NNT: variants seen among roughly 807,000 people sequenced by gnomAD.
NNT encodes NAD(P) transhydrogenase, mitochondrial.
A neutral mutation model predicts 104.8 loss-of-function variants in NNT; 50 were observed. The observed-to-expected ratio is 0.48, with a 90% confidence interval of 0.38 to 0.60. The LOEUF is 0.60. Ranked by LOEUF, NNT falls within the 20% of genes least tolerant of loss-of-function variation. The pLI, the probability that NNT is intolerant of heterozygous loss-of-function variation, is 0.00. For synonymous variants in NNT, 461 were observed against 490.4 expected (o/e 0.94, Z 0.79); for missense variants, 1,131 against 1,330.7 (o/e 0.85, Z 2.33).
chr5:43,675,668 C>T lies in NNT; in HGVS notation c.2792C>T (p.Pro931Leu). 6.3e-7 allele frequency: 1 copy of T among 1,584,520 alleles called. No homozygotes were observed. Among genetic ancestry groups the T allele is most frequent in the Non-Finnish European group, 8.6e-7 (1 of 1,167,174 alleles). ...IREANSIIIT[P>L]GYGLCAAKAQ... ...GAAGCTAATAGCATTATTATTACAC[C>T]AGGTAAAGAAAAAAAGCAAAAGCAA... Residue 931 changes from proline to leucine, a missense_variant and splice_region_variant, in exon 18 of 22, where the codon CCA becomes CTA. Physicochemically the swap from Pro to Leu is moderately conservative, Grantham distance 98. Coordinates refer to ENST00000344920, the MANE Select transcript of NNT (RefSeq NM_182977.3).
At chr5:43,676,289 G>C (rs527548149) in intron 18 of NNT, among the ~76,000 whole-genome samples, 4 of 152,128 alleles carry the variant, frequency 2.6e-5, no homozygotes, top group Admixed American at 1.3e-4. Context: ...AGGATGCTGT[G>C]GTATTATGAG....
At chr5:43,606,737 G>GT (rs1333331413) in intron 1 of NNT, among the ~76,000 whole-genome samples, 1 of 152,104 alleles carries the variant, frequency 6.6e-6, no homozygotes, top group Non-Finnish European at 1.5e-5. Flanking sequence ...CTCTGAGCTT[G>GT]TGTTACTCTG....
chr5:43,612,590 A>C (rs1017369698), intron 2 of NNT, among the ~76,000 whole-genome samples: 5 of 152,192 alleles, frequency 3.3e-5, no homozygotes, highest in Non-Finnish European at 5.9e-5. Flanking sequence ...TGGAGTCAGC[A>C]TGTGGAGGGA....
intron 20 of NNT, among the ~76,000 whole-genome samples, chr5:43,702,368 G>T (rs1742891203): frequency 6.6e-6 from 1 of 152,150 alleles, no homozygotes; most frequent in Non-Finnish European, 1.5e-5. Context: ...ATTGAGAAGG[G>T]AGAAGCATAA....
intron 17 of NNT, among the ~76,000 whole-genome samples, chr5:43,673,904 C>G (rs968955740): frequency 2.6e-5 from 4 of 151,934 alleles, no homozygotes; most frequent in Non-Finnish European, 5.9e-5. Flanking sequence ...CCTGTAATCC[C>G]CACTACTCTG....
At chr5:43,683,766 T>C (rs770821395) in intron 19 of NNT, among the ~76,000 whole-genome samples, 20 of 152,232 alleles carry the variant, frequency 1.3e-4, no homozygotes, top group Non-Finnish European at 2.1e-4. Flanking sequence ...CTCTATAATA[T>C]GCCAGAATGT....
chr5:43,611,987 T>C (rs1022293773), intron 2 of NNT, among the ~76,000 whole-genome samples: 3 of 152,168 alleles, frequency 2.0e-5, no homozygotes, highest in African/African-American at 7.2e-5. Flanking sequence ...CTATGTGGAT[T>C]CTTGGCAAGT....
intron 16 of NNT, 119 bp from the exon 17 acceptor site, chr5:43,659,052 G>T (rs1444080197): frequency 1.0e-6 from 1 of 1,000,030 alleles, no homozygotes; most frequent in African/African-American, 1.6e-5. Flanking sequence ...ACCGGAAGTG[G>T]AACTTATATG....
intron 6 of NNT, among the ~76,000 whole-genome samples, chr5:43,626,098 A>T (rs1750346594): frequency 6.6e-6 from 1 of 151,674 alleles, no homozygotes; most frequent in South Asian, 2.1e-4. Context: ...ATACATGTAC[A>T]TACAGTAAGC....
intron 7 of NNT, among the ~76,000 whole-genome samples, chr5:43,642,715 T>C (rs1751302686): frequency 6.6e-6 from 1 of 152,160 alleles, no homozygotes; most frequent in South Asian, 2.1e-4. Context: ...GCCTTAGGAT[T>C]TGGACTTTAT....
chr5:43,702,986 C>T (rs1378728153), intron 21 of NNT, among the ~76,000 whole-genome samples: 1 of 152,106 alleles, frequency 6.6e-6, no homozygotes, highest in African/African-American at 2.4e-5. Context: ...CAATCTGTAA[C>T]CACAGCTGAA....
intron 3 of NNT, among the ~76,000 whole-genome samples, chr5:43,615,095 C>T (rs868157862): frequency 6.6e-6 from 1 of 151,860 alleles, no homozygotes; most frequent in Admixed American, 6.5e-5. Context: ...CGAGATTGCG[C>T]CACTGCAGTC....
chr5:43,657,378 T>G (rs145487197), intron 16 of NNT, among the ~76,000 whole-genome samples: 341 of 152,314 alleles, frequency 2.2e-3, no homozygotes, highest in African/African-American at 7.8e-3. Context: ...CACACAGTAG[T>G]TTTTAGTTGT....
intron 19 of NNT, among the ~76,000 whole-genome samples, chr5:43,698,110 A>G (rs1742653927): frequency 6.6e-6 from 1 of 152,042 alleles, no homozygotes; most frequent in African/African-American, 2.4e-5. Flanking sequence ...ATATACATAC[A>G]TATACACACA....
In NNT at chr5:43,704,399, A is replaced by T; in HGVS notation, c.3256A>T (p.Lys1086Ter). ...GGCGAAAGTTAGAGAATCCTATCAG[A>T]AGTAAATATTAAGGATCAAGCTGTT... ...LQAKVRESYQ[K>*] The change falls in exon 22 of 22, where the codon AAG becomes TAG. Residue 1086 changes from lysine to a stop codon, truncating the protein, a stop_gained. Transcript: ENST00000344920. LOFTEE classifies it high-confidence loss of function. 1 of 1,613,610 alleles carries T rather than the reference A, an allele frequency of 6.2e-7. No individual in the cohort carries two copies.
chr5:43,661,252 T>C (rs1445361838), intron 17 of NNT, among the ~76,000 whole-genome samples: 1 of 152,172 alleles, frequency 6.6e-6, no homozygotes, highest in Non-Finnish European at 1.5e-5. Flanking sequence ...TATGAAATTG[T>C]ACTAGAAATA....
intron 12 of NNT, 108 bp downstream of exon 12, chr5:43,650,695 C>T: frequency 2.6e-6 from 2 of 762,172 alleles, no homozygotes; most frequent in South Asian, 4.8e-5. Context: ...ATGTTTCACT[C>T]TGACCGTAAA....
At chr5:43,689,232 G>A (rs574311715) in intron 19 of NNT, among the ~76,000 whole-genome samples, 26 of 152,200 alleles carry the variant, frequency 1.7e-4, no homozygotes, top group Admixed American at 9.2e-4. Context: ...AGATGGGATC[G>A]TTTGTTTTAT....
intron 7 of NNT, among the ~76,000 whole-genome samples, chr5:43,639,299 A>AAAAATG (rs1751097935): frequency 6.6e-6 from 1 of 152,312 alleles, no homozygotes; most frequent in South Asian, 2.1e-4. Flanking sequence ...AGTAACATTT[A>AAAAATG]AAAATGAATT....
Sources: allele counts gnomAD v4.1 joint callset (sites outside exome capture counted in the v4.1 genomes callset), GRCh38; gene constraint gnomAD v4.1.1; transcripts MANE v1.5; gene names NCBI Gene and HGNC (gene_info 2026-07-23, HGNC 2026-07-21).